The following DROSHA variants were observed in gnomAD, a reference collection of about 807,000 sequenced individuals.
The protein encoded by DROSHA is drosha ribonuclease III, also known as ribonuclease 3.
Under a neutral mutation model 181.9 loss-of-function variants are expected in DROSHA, and 56 were observed. That is an observed-to-expected ratio of 0.31 (90% CI 0.25 to 0.38). DROSHA has a LOEUF of 0.38. Among genes scored for constraint, DROSHA ranks in the 10% least tolerant of loss-of-function variants. The pLI, the probability that DROSHA is intolerant of heterozygous loss-of-function variation, is 1.00. For synonymous variants in DROSHA, 524 were observed against 591.2 expected, an observed-to-expected ratio of 0.89 and a Z score of 1.65; for missense variants, 1,218 against 1,743.5, an observed-to-expected ratio of 0.70 and a Z score of 5.37.
At chr5:31,413,203 T>C (rs142385392) in intron 30 of DROSHA, among the ~76,000 whole-genome samples, 59 of 152,302 alleles carry the variant, frequency 3.9e-4, no homozygotes, top group African/African-American at 1.4e-3. Context: ...CTTCCAGTTT[T>C]ATTTCAGACA....
At chr5:31,486,796 G>A (rs1751823057) in intron 13 of DROSHA, 2 of 387,574 alleles carry the variant, frequency 5.2e-6, no homozygotes, top group Non-Finnish European at 9.3e-6. Context: ...TTAATTAACA[G>A]TATTAGCAGC....
At chr5:31,467,013 A>C (rs1359970369) in intron 18 of DROSHA, 1 of 152,162 alleles carries the variant, frequency 6.6e-6, no homozygotes, top group Non-Finnish European at 1.5e-5. Flanking sequence ...TTTTCTGACA[A>C]GAAGGGATTT....
chr5:31,461,836 CAT>C (rs1180989493), intron 20 of DROSHA, among the ~76,000 whole-genome samples: 5 of 151,472 alleles, frequency 3.3e-5, no homozygotes, highest in Non-Finnish European at 7.4e-5. Context: ...TCCAAATTTC[CAT>C]ATGTTGATGT....
intron 17 of DROSHA, among the ~76,000 whole-genome samples, chr5:31,468,501 T>C (rs1215336267): frequency 6.6e-6 from 1 of 152,240 alleles, no homozygotes; most frequent in Non-Finnish European, 1.5e-5. Context: ...ATCTTATGTA[T>C]TCCTTTAATT....
chr5:31,449,040 C>A (rs1746647890), intron 22 of DROSHA, among the ~76,000 whole-genome samples: 1 of 151,812 alleles, frequency 6.6e-6, no homozygotes, highest in South Asian at 2.1e-4. Context: ...GAGGCTAACA[C>A]AGGAGAATCA....
chr5:31,519,887 A>G (rs989747039), intron 6 of DROSHA, among the ~76,000 whole-genome samples: 2 of 152,196 alleles, frequency 1.3e-5, no homozygotes, highest in African/African-American at 4.8e-5. Flanking sequence ...TCTATCTGTT[A>G]TTTTAACAAA....
intron 23 of DROSHA, among the ~76,000 whole-genome samples, chr5:31,446,446 C>CAAAAAAAAAAAA (rs60001713): frequency 5.1e-4 from 30 of 59,338 alleles, no homozygotes; most frequent in African/African-American, 9.3e-4. Flanking sequence ...GACTCTGTCT[C>CAAAAAAAAAAAA]AAAAAAAAAA....
intron 16 of DROSHA, among the ~76,000 whole-genome samples, chr5:31,477,517 C>T (rs1291863825): frequency 1.3e-5 from 2 of 152,180 alleles, no homozygotes; most frequent in Non-Finnish European, 2.9e-5. Context: ...TTGCAAACTA[C>T]ACTTGCCTCC....
Position 31,435,925 on chromosome 5 carries a change from T to C in DROSHA, c.2943-61A>G, listed in dbSNP as rs1046161122. On this transcript the variant is annotated intron_variant, in intron 24 of 35. Coordinates refer to ENST00000344624, the MANE Select transcript of DROSHA (RefSeq NM_001382508.1). ...CATCACGACATTCTGTCTGTGGCTCTGAGTCACAGAAACAGGGCTGGCACA... is the reference window on the plus strand; with the variant it reads ...CATCACGACATTCTGTCTGTGGCTCCGAGTCACAGAAACAGGGCTGGCACA... 3.4e-6 allele frequency: 5 copies of C among 1,487,090 alleles called. No individual in the cohort carries two copies. The South Asian group carries it at 4.7e-5, about 14-fold the overall frequency. 92.1% of individuals were successfully genotyped at this position (1,487,090 alleles called of 1,614,324 possible).
intron 16 of DROSHA, among the ~76,000 whole-genome samples, chr5:31,474,694 A>G (rs536589287): frequency 6.6e-6 from 1 of 152,210 alleles, no homozygotes; most frequent in South Asian, 2.1e-4. Flanking sequence ...CAGTATGATG[A>G]TATTAGGAGG....
intron 20 of DROSHA, among the ~76,000 whole-genome samples, chr5:31,455,767 A>G (rs1038973017): frequency 6.6e-6 from 1 of 151,746 alleles, no homozygotes; most frequent in African/African-American, 2.4e-5. Context: ...CAGCCTCCCA[A>G]GTAGCTGGGA....
chr5:31,529,963 A>G (rs1019525088), intron 3 of DROSHA, among the ~76,000 whole-genome samples: 1 of 152,184 alleles, frequency 6.6e-6, no homozygotes, highest in Non-Finnish European at 1.5e-5. Flanking sequence ...TCACATAAAT[A>G]TTGAGTACAA....
At chr5:31,427,670 C>G (rs1452630709) in intron 27 of DROSHA, among the ~76,000 whole-genome samples, 2 of 152,188 alleles carry the variant, frequency 1.3e-5, no homozygotes, top group African/African-American at 2.4e-5. Flanking sequence ...TTATTCAGCA[C>G]CAGCCCAGGC....
At chr5:31,483,111 T>C (rs1185859001) in intron 16 of DROSHA, among the ~76,000 whole-genome samples, 1 of 152,224 alleles carries the variant, frequency 6.6e-6, no homozygotes, top group Non-Finnish European at 1.5e-5. Context: ...TTTTTTTCAC[T>C]GTAAAATGAA....
intron 34 of DROSHA, among the ~76,000 whole-genome samples, chr5:31,406,278 G>C (rs987630395): frequency 4.6e-5 from 7 of 152,062 alleles, no homozygotes; most frequent in Non-Finnish European, 7.4e-5. Context: ...GAGGCTGAGG[G>C]GGGGTTGGGA....
rs1360994174 is a variant in DROSHA, at chr5:31,411,429, A to G, written c.3526-542T>C. Among the ~76,000 whole-genome samples, 2 of 151,922 alleles carry G rather than the reference A, an allele frequency of 1.3e-5. No homozygotes were observed. Among genetic ancestry groups the G allele is most frequent in the Admixed American group, 1.3e-4 (2 of 15,268 alleles). On this transcript the variant is annotated intron_variant, in intron 30 of 35. Transcript: ENST00000344624. The surrounding 1 kb of genome is among the most constrained non-coding windows in gnomAD (Gnocchi z 4.2). ...CAAACGGCCTGCTTTTTGTCACTGTACATTAATTTTAAAGGATTTTTTTTT... is the reference window on the plus strand; with the variant it reads ...CAAACGGCCTGCTTTTTGTCACTGTGCATTAATTTTAAAGGATTTTTTTTT...
intron 18 of DROSHA, 143 bp downstream of exon 18, chr5:31,467,796 T>G: frequency 3.7e-6 from 4 of 1,071,656 alleles, no homozygotes; most frequent in Non-Finnish European, 5.2e-6. Context: ...AATTGTTTCA[T>G]TTGGGTAATC....
intron 6 of DROSHA, among the ~76,000 whole-genome samples, chr5:31,520,596 C>T (rs2150060257): frequency 6.6e-6 from 1 of 152,182 alleles, no homozygotes; most frequent in South Asian, 2.1e-4. Flanking sequence ...ATAACTTTGC[C>T]CAGTAATAAA....
intron 11 of DROSHA, among the ~76,000 whole-genome samples, chr5:31,495,871 T>G (rs971709081): frequency 6.6e-6 from 1 of 152,162 alleles, no homozygotes; most frequent in Non-Finnish European, 1.5e-5. Context: ...CCAGTAGAAG[T>G]AGCTCTGCCC....
Sources: gnomAD v4.1 joint callset for allele counts (sites outside exome capture counted in the v4.1 genomes callset) on GRCh38, gnomAD v4.1.1 for gene constraint, Gnocchi (gnomAD v3.1) non-coding constraint, MANE v1.5 for transcripts, NCBI Gene and HGNC (gene_info 2026-07-23, HGNC 2026-07-21) for gene names.